SETD6: variants seen among roughly 807,000 people sequenced by gnomAD.
SETD6 encodes N-lysine methyltransferase SETD6.
SETD6 carries 67 observed loss-of-function variants against 52.7 expected under a neutral mutation model. The ratio of observed to expected loss-of-function variants is 1.27; its 90% CI spans 1.04 to 1.56. SETD6 has a LOEUF of 1.56. Ranked by LOEUF, SETD6 falls within the 40% of genes most tolerant of loss-of-function variation. The probability of loss-of-function intolerance (pLI) is 0.00; values close to 1 mark genes in which losing one functional copy is unlikely to be tolerated. For synonymous variants in SETD6, 307 were observed against 250.2 expected (o/e 1.23, Z -2.14); for missense variants, 712 against 607.5 (o/e 1.17, Z -1.81).
chr16:58,515,539 TG>T lies in SETD6; in HGVS notation c.4del (p.Ala2?). The T allele has an allele frequency of 6.3e-7, 1 of 1,588,500 alleles. No homozygotes were observed. The highest frequency in any genetic ancestry group is 8.5e-7 in the Non-Finnish European group (1 of 1,171,800). On this transcript the variant is annotated frameshift_variant and start_lost, in exon 1 of 8. Transcript: ENST00000219315. LOFTEE classifies it high-confidence loss of function. ...CGCGAGGAAACGCGCTCTTAGACCA[TG>T]GCGACCCAGGCGAAGCGTCCACGGG... [M>X]ATQAKRPRVA...
rs1234308924 is a variant in SETD6, at chr16:58,523,329, A to C, written c.*4300A>C. On this transcript the variant is annotated 3_prime_UTR_variant, in exon 8 of 8. Coordinates refer to ENST00000219315, the MANE Select transcript of SETD6 (RefSeq NM_001160305.4). ...GGAAAAAAAAAAGATGAAAGGGAGG[A>C]GATCCTTTTGAAGCATTTAAAAAAT... is the stretch of plus-strand genomic sequence containing the variant. The C allele has an allele frequency of 6.5e-7, 1 of 1,534,660 alleles. No homozygotes were observed. Among genetic ancestry groups the C allele is most frequent in the East Asian group, 2.3e-5 (1 of 43,818 alleles).
Position 58,515,820 on chromosome 16 carries a change from G to A in SETD6, c.57G>A (p.Leu19=), listed in dbSNP as rs559399988. ...RVAGPVDGGD[L]DPVACFLSWC... Reference sequence around the variant, plus strand: ...CGGGGCCCGTGGACGGCGGCGACCTGGATCCTGTGGCCTGCTTCCTGAGCT... The same window carrying A: ...CGGGGCCCGTGGACGGCGGCGACCTAGATCCTGTGGCCTGCTTCCTGAGCT... Residue 19 remains leucine (L), a synonymous_variant, in exon 2 of 8, where the codon CTG becomes CTA. Coordinates refer to ENST00000219315, the MANE Select transcript of SETD6 (RefSeq NM_001160305.4). 2.0e-6 allele frequency: 3 copies of A among 1,535,954 alleles called. No homozygotes were observed. Among genetic ancestry groups the A allele is most frequent in the Admixed American group, 3.9e-5 (2 of 50,870 alleles).
Position 58,519,035 on chromosome 16 carries a change from TCCCTGTTC to T in SETD6, c.*9_*16del. The T allele has an allele frequency of 6.2e-7, 1 of 1,601,926 alleles. No individual in the cohort carries two copies. Among genetic ancestry groups the T allele is most frequent in the Non-Finnish European group, 8.5e-7 (1 of 1,173,360 alleles). The stretch of plus-strand genomic sequence containing the variant: ...TGTTGGAGCTGACAAGTTAGCAGTT[TCCCTGTTC>T]CCTGAAGGAACAGCAATAAGAACTT... On this transcript the variant is annotated 3_prime_UTR_variant, in exon 8 of 8. Coordinates refer to ENST00000219315, the MANE Select transcript of SETD6 (RefSeq NM_001160305.4).
chr16:58,516,493 C>T lies in SETD6; in HGVS notation c.492C>T (p.Arg164=). Residue 164 remains arginine (R), a synonymous_variant, in exon 4 of 8, where the codon CGC becomes CGT. Transcript: ENST00000219315. ...EHPMFWPEEE[R]RCLLQGTGVP... ...GTCCCTGCAGGCCAGAGGAGGAGCG[C>T]CGGTGCCTGCTCCAGGGCACAGGCG... 4 of 1,614,028 alleles carry T rather than the reference C, an allele frequency of 2.5e-6. No individual in the cohort carries two copies. In the East Asian group the frequency reaches 8.9e-5, roughly 36 times the overall value.
rs753947008 is a variant in SETD6, at chr16:58,516,910, C to T, written c.774C>T (p.Ala258=). 39 of 1,614,050 alleles carry T rather than the reference C, an allele frequency of 2.4e-5. No homozygotes were observed. In the South Asian group the frequency reaches 4.0e-4, roughly 16 times the overall value. The change falls in exon 5 of 8, where the codon GCC becomes GCT. Residue 258 remains alanine, a synonymous_variant. Coordinates refer to ENST00000219315, the MANE Select transcript of SETD6 (RefSeq NM_001160305.4). ...DILNHLANHN[A]NLEYSANCLR... is the part of the protein sequence containing the mutation. Reference sequence around the variant, plus strand: ...TAAACCACTTAGCCAATCACAACGCCAATCTAGAATACTCTGCGGTGAGTG... The same window carrying T: ...TAAACCACTTAGCCAATCACAACGCTAATCTAGAATACTCTGCGGTGAGTG...
chr16:58,515,674 C>A, intron 1 of SETD6, 110 bp downstream of exon 1: 1 of 1,407,916 alleles, frequency 7.1e-7, no homozygotes, highest in South Asian at 1.5e-5. Context: ...TCCCGCGCCC[C>A]TCTCCGCTCG....
In SETD6 at chr16:58,522,055, C is replaced by G. The variant is rs2039400637; in HGVS notation, c.*3026C>G. Reference sequence around the variant, plus strand: ...ACACTGCAGGCTGGGCACAGTGACTCACGCCTGTAATCCCAGCACTCTGGG... The same window carrying G: ...ACACTGCAGGCTGGGCACAGTGACTGACGCCTGTAATCCCAGCACTCTGGG... On this transcript the variant is annotated 3_prime_UTR_variant, in exon 8 of 8. Transcript: ENST00000219315. 1.3e-5 allele frequency among the ~76,000 whole-genome samples: 2 copies of G among 151,790 alleles called. No homozygotes were observed. The highest frequency in any genetic ancestry group is 2.9e-5 in the Non-Finnish European group (2 of 67,954).
intron 6 of SETD6, 32 bp downstream of exon 6, chr16:58,518,263 T>C (rs1276062015): frequency 7.4e-6 from 12 of 1,613,042 alleles, no homozygotes; most frequent in Non-Finnish European, 1.0e-5. Flanking sequence ...TATTTGACAC[T>C]GATGGTGTGT....
rs762061550 is a variant in SETD6 at position 58,516,387 on chromosome 16, T to C, written c.476+44T>C. Reference sequence around the variant, plus strand: ...GTTGGGGAGCGCCTGCACCGTAGCCTGCTGCAAGAAGTTTCCCCGCCCCTG... The same window carrying C: ...GTTGGGGAGCGCCTGCACCGTAGCCCGCTGCAAGAAGTTTCCCCGCCCCTG... On this transcript the variant is annotated intron_variant, in intron 3 of 7. Transcript: ENST00000219315. 3.2e-6 allele frequency: 5 copies of C among 1,553,434 alleles called. No homozygotes were observed. The African/African-American group carries it at 9.4e-5, about 29-fold the overall frequency.
rs1474056731 is a variant in SETD6, at chr16:58,515,656, C to T, written c.27+92C>T. 3.5e-6 allele frequency: 5 copies of T among 1,412,012 alleles called. No individual in the cohort carries two copies. The East Asian group carries it at 1.4e-4, about 40-fold the overall frequency. 87.5% of individuals were successfully genotyped at this position (1,412,012 alleles called of 1,614,324 possible). A position where few individuals can be genotyped will look rare whatever the true frequency, so the allele number is the denominator to read the frequency against. The stretch of plus-strand genomic sequence containing the variant: ...TCCGCCTGCGCCCCCTCCGCTCCCT[C>T]CCGCGGGTCCCGCGCCCCTCTCCGC... On this transcript the variant is annotated intron_variant, in intron 1 of 7. Coordinates refer to ENST00000219315, the MANE Select transcript of SETD6 (RefSeq NM_001160305.4).
In SETD6 at chr16:58,519,086, C is replaced by A; in HGVS notation, c.*57C>A. 1 of 1,479,580 alleles carries A rather than the reference C, an allele frequency of 6.8e-7. No homozygotes were observed. Among genetic ancestry groups the A allele is most frequent in the East Asian group, 2.3e-5 (1 of 43,734 alleles). 91.7% of individuals were successfully genotyped at this position (1,479,580 alleles called of 1,614,324 possible). ...AAGAACTTTATTCTAAGCTAATACT[C>A]ATTGATGTTTGAAAAAGAGGAAAAT... On this transcript the variant is annotated 3_prime_UTR_variant, in exon 8 of 8. Transcript: ENST00000219315.
chr16:58,518,790 A>AG lies in SETD6; in HGVS notation c.1186dup (p.Glu396GlyfsTer39). On this transcript the variant is annotated frameshift_variant, in exon 8 of 8. Transcript: ENST00000219315. LOFTEE classifies it high-confidence loss of function. ...CCAGGATGGAGGGGGAGATGATAAA[A>AG]GGGAAGAGGGCAGCCTGACGATCAC... The AG allele has an allele frequency of 6.2e-7, 1 of 1,614,152 alleles. No individual in the cohort carries two copies. The highest frequency in any genetic ancestry group is 8.5e-7 in the Non-Finnish European group (1 of 1,180,028).
Position 58,518,939 on chromosome 16 carries a change from T to C in SETD6, c.1332T>C (p.Tyr444=), listed in dbSNP as rs773730398. Residue 444 remains tyrosine, a synonymous_variant, in exon 8 of 8, where the codon TAT becomes TAC. Coordinates refer to ENST00000219315, the MANE Select transcript of SETD6 (RefSeq NM_001160305.4). ...DQGLLSNKEV[Y]AKLSWREQQA... ...GTTTACTCAGTAATAAGGAAGTCTATGCGAAACTCAGCTGGAGGGAACAGC... is the reference window on the plus strand; with the variant it reads ...GTTTACTCAGTAATAAGGAAGTCTACGCGAAACTCAGCTGGAGGGAACAGC... 4 of 1,614,190 alleles carry C rather than the reference T, an allele frequency of 2.5e-6. No individual in the cohort carries two copies. Among genetic ancestry groups the C allele is most frequent in the Admixed American group, 3.3e-5 (2 of 60,022 alleles).
At position 58,523,456 on chromosome 16, in the gene SETD6, T is replaced by G; in HGVS notation, c.*4427T>G. Reference sequence around the variant, plus strand: ...AACTGAAGTAGTGAGTGTGGCTATTTGGGTACCGGAGCTGATTTGCAATTG... The same window carrying G: ...AACTGAAGTAGTGAGTGTGGCTATTGGGGTACCGGAGCTGATTTGCAATTG... On this transcript the variant is annotated 3_prime_UTR_variant, in exon 8 of 8. Transcript: ENST00000219315. The G allele has an allele frequency of 6.2e-7, 1 of 1,614,104 alleles. No individual in the cohort carries two copies. Among genetic ancestry groups the G allele is most frequent in the Non-Finnish European group, 8.5e-7 (1 of 1,179,954 alleles).
chr16:58,520,757 C>T lies in SETD6; in HGVS notation c.*1728C>T. On this transcript the variant is annotated 3_prime_UTR_variant, in exon 8 of 8. Transcript: ENST00000219315. ...ATTCACAGCATCTTCTAAATTTTGGCCAAGAGTCAAAAAAATGCATTTAAA... is the reference window on the plus strand; with the variant it reads ...ATTCACAGCATCTTCTAAATTTTGGTCAAGAGTCAAAAAAATGCATTTAAA... The T allele has an allele frequency of 1.7e-6, 1 of 581,672 alleles. No homozygotes were observed. 36.0% of individuals were successfully genotyped at this position (581,672 alleles called of 1,614,324 possible). A position where few individuals can be genotyped will look rare whatever the true frequency, so the allele number is the denominator to read the frequency against.
chr16:58,518,971 T>A lies in SETD6; in HGVS notation c.1364T>A (p.Leu455Ter). 6.2e-7 allele frequency: 1 copy of A among 1,614,178 alleles called. No individual in the cohort carries two copies. The highest frequency in any genetic ancestry group is 8.5e-7 in the Non-Finnish European group (1 of 1,180,020). ...AKLSWREQQA[L>*]QVRYGQKMIL... ...CTCAGCTGGAGGGAACAGCAAGCCT[T>A]ACAGGTTCGCTATGGTCAGAAGATG... The change falls in exon 8 of 8, where the codon TTA (leucine) becomes TAA (stop). Residue 455 changes from leucine (L) to a stop codon, truncating the protein, a stop_gained. Coordinates refer to ENST00000219315, the MANE Select transcript of SETD6 (RefSeq NM_001160305.4). LOFTEE classifies it high-confidence loss of function.
In SETD6 at chr16:58,518,985, G is replaced by A; in HGVS notation, c.1378G>A (p.Gly460Ser). Residue 460 changes from glycine (G) to serine (S), a missense_variant, in exon 8 of 8, where the codon GGT becomes AGT. Coordinates refer to ENST00000219315, the MANE Select transcript of SETD6 (RefSeq NM_001160305.4). ...REQQALQVRY[G>S]QKMILHQLLE... ...ACAGCAAGCCTTACAGGTTCGCTAT[G>A]GTCAGAAGATGATCTTACATCAGTT... 6.2e-7 allele frequency: 1 copy of A among 1,613,924 alleles called. No individual in the cohort carries two copies. Among genetic ancestry groups the A allele is most frequent in the South Asian group, 1.1e-5 (1 of 91,056 alleles).
rs71155275 is a variant in SETD6, at chr16:58,523,305, GAA to G, written c.*4285_*4286del. 7.5e-6 allele frequency: 10 copies of G among 1,340,008 alleles called. No individual in the cohort carries two copies. The East Asian group carries it at 8.0e-5, about 11-fold the overall frequency. 83.0% of individuals were successfully genotyped at this position (1,340,008 alleles called of 1,614,324 possible). On this transcript the variant is annotated 3_prime_UTR_variant, in exon 8 of 8. Coordinates refer to ENST00000219315, the MANE Select transcript of SETD6 (RefSeq NM_001160305.4). ...CACTGAACACTGAAAGCATAAAGAGGAAAAAAAAAAGATGAAAGGGAGGAGAT... is the reference window on the plus strand; with the variant it reads ...CACTGAACACTGAAAGCATAAAGAGGAAAAAAAAGATGAAAGGGAGGAGAT...
chr16:58,516,226 C>T lies in SETD6; in HGVS notation c.359C>T (p.Ser120Leu), dbSNP rs1268663160. Reference protein sequence around the residue: ...ERERVALQSQSGWVPLLLALL... With the variant: ...ERERVALQSQLGWVPLLLALL... ...GAGCGAGTTGCGCTGCAGAGCCAGT[C>T]GGGCTGGGTGCCACTGCTGCTGGCG... Residue 120 changes from serine to leucine, a missense_variant, in exon 3 of 8, where the codon TCG becomes TTG. Ser to Leu is a moderately radical substitution (Grantham distance 145). Coordinates refer to ENST00000219315, the MANE Select transcript of SETD6 (RefSeq NM_001160305.4). 3 of 1,595,190 alleles carry T rather than the reference C, an allele frequency of 1.9e-6. No individual in the cohort carries two copies. The highest frequency in any genetic ancestry group is 2.7e-5 in the African/African-American group (2 of 74,660).
Sources: gnomAD v4.1 joint callset for allele counts (sites outside exome capture counted in the v4.1 genomes callset) on GRCh38, gnomAD v4.1.1 for gene constraint, MANE v1.5 for transcripts, NCBI Gene and HGNC (gene_info 2026-07-23, HGNC 2026-07-21) for gene names.